The following GATA4 variants were observed in gnomAD, a reference collection of about 807,000 sequenced individuals.
The protein encoded by GATA4 is GATA binding protein 4, also known as transcription factor GATA-4.
A neutral mutation model predicts 37.9 loss-of-function variants in GATA4; 7 were observed. That is an observed-to-expected ratio of 0.18 (90% CI 0.11 to 0.35). GATA4 has a LOEUF of 0.35. Among genes scored for constraint, GATA4 ranks in the 10% least tolerant of loss-of-function variants. The probability of loss-of-function intolerance (pLI) is 1.00; values close to 1 mark genes in which losing one functional copy is unlikely to be tolerated. For synonymous variants in GATA4, 372 were observed against 292.6 expected (o/e 1.27, Z -2.77); for missense variants, 647 against 653.0 (o/e 0.99, Z 0.10).
At position 11,758,461 on chromosome 8, in the gene GATA4, A is replaced by G. The variant is rs772619099; in HGVS notation, c.1318A>G (p.Ile440Val). ...GGTCTTGGCCGACAGTCACGGGGAC[A>G]TAATCACTGCGTAATCTTCCCTCTT... ...SLVLADSHGD[I>V]ITA The change falls in exon 7 of 7, where the codon ATA becomes GTA. Residue 440 changes from isoleucine (I) to valine (V), a missense_variant. Ile to Val is a conservative substitution (Grantham distance 29, BLOSUM62 3). Around this residue, in one of 5 missense-constraint regions of GATA4, gnomAD observed 184 missense variants for 157.1 expected, o/e 1.17. Transcript: ENST00000532059. 6.2e-7 allele frequency: 1 copy of G among 1,614,216 alleles called. No homozygotes were observed. The highest frequency in any genetic ancestry group is 2.2e-5 in the East Asian group (1 of 44,884).
intron 2 of GATA4, among the ~76,000 whole-genome samples, chr8:11,734,553 C>A (rs1801359692): frequency 6.6e-6 from 1 of 152,186 alleles, no homozygotes; most frequent in African/African-American, 2.4e-5. Flanking sequence ...ATGGCGCAAC[C>A]TCGGCTCACT....
chr8:11,741,104 C>G (rs1801715819), intron 2 of GATA4, among the ~76,000 whole-genome samples: 2 of 152,140 alleles, frequency 1.3e-5, no homozygotes, highest in African/African-American at 4.8e-5. Flanking sequence ...TGACCATTTT[C>G]TGGGAGTCTG....
intron 2 of GATA4, among the ~76,000 whole-genome samples, chr8:11,742,746 A>G (rs1801812165): frequency 6.6e-6 from 1 of 152,178 alleles, no homozygotes; most frequent in East Asian, 1.9e-4. Flanking sequence ...TGCCAGGAAA[A>G]CCTCAGGCTT....
intron 1 of GATA4, chr8:11,694,653 G>A (rs1799451277): frequency 2.7e-6 from 1 of 374,130 alleles, no homozygotes; most frequent in Admixed American, 6.4e-5. Flanking sequence ...TGTTCATGGT[G>A]TTGTTTTCTT....
chr8:11,747,296 C>G, intron 2 of GATA4, among the ~76,000 whole-genome samples: 1 of 152,202 alleles, frequency 6.6e-6, no homozygotes, highest in South Asian at 2.1e-4. Context: ...CTGGCCCAGC[C>G]TGTCTCACGA....
chr8:11,703,444 C>T (rs1799755134), upstream of GATA4, among the ~76,000 whole-genome samples: 1 of 152,144 alleles, frequency 6.6e-6, no homozygotes, highest in Admixed American at 6.5e-5. Context: ...AAGAAGCTCC[C>T]CTGGACCGCC....
At chr8:11,693,998 A>C (rs1799428340) in intron 1 of GATA4, among the ~76,000 whole-genome samples, 6 of 152,164 alleles carry the variant, frequency 3.9e-5, no homozygotes, top group Admixed American at 3.9e-4. Context: ...ACACCTCTAC[A>C]TTAAAAGCAA....
upstream of GATA4, among the ~76,000 whole-genome samples, chr8:11,692,281 C>G (rs958694732): frequency 3.3e-5 from 5 of 152,200 alleles, no homozygotes; most frequent in African/African-American, 7.2e-5. Context: ...TCCATCACAC[C>G]TTTTCAAGCA....
intron 4 of GATA4, among the ~76,000 whole-genome samples, chr8:11,753,897 A>G (rs915627612): frequency 6.6e-6 from 1 of 152,218 alleles, no homozygotes; most frequent in Non-Finnish European, 1.5e-5. Flanking sequence ...TCAGCCTAAG[A>G]GAAACCAGAT....
upstream of GATA4, among the ~76,000 whole-genome samples, chr8:11,699,830 G>C (rs1311191005): frequency 6.6e-6 from 1 of 152,212 alleles, no homozygotes; most frequent in Non-Finnish European, 1.5e-5. Flanking sequence ...CAGATTATGA[G>C]ATATAAACTT....
At position 11,749,807 on chromosome 8, in the gene GATA4, C is replaced by A. The variant is rs1176211271; in HGVS notation, c.787-304C>A. On this transcript the variant is annotated intron_variant, in intron 3 of 6. Coordinates refer to ENST00000532059, the MANE Select transcript of GATA4 (RefSeq NM_001308093.3). This position sits in a 1 kb window ranked among gnomAD's most constrained non-coding sequence, Gnocchi z 4.6. Reference sequence around the variant, plus strand: ...TCTCCTCTCAGGAGAAGCTTTCCTGCCGGCAGTGCCCGGCGCTCACTGGTT... The same window carrying A: ...TCTCCTCTCAGGAGAAGCTTTCCTGACGGCAGTGCCCGGCGCTCACTGGTT... Among the ~76,000 whole-genome samples, 1 of 152,256 alleles carries A rather than the reference C, an allele frequency of 6.6e-6. No individual in the cohort carries two copies. The highest frequency in any genetic ancestry group is 2.4e-5 in the African/African-American group (1 of 41,472).
chr8:11,705,359 C>T (rs1799847070), intron 1 of GATA4, among the ~76,000 whole-genome samples: 1 of 152,156 alleles, frequency 6.6e-6, no homozygotes, highest in African/African-American at 2.4e-5. Flanking sequence ...GGCTAGCGTG[C>T]GACCGTCCTC....
chr8:11,678,513 C>A lies in GATA4; in HGVS notation c.-274+1450C>A, dbSNP rs538153521. Among the ~76,000 whole-genome samples, 8 of 152,160 alleles carry A rather than the reference C, an allele frequency of 5.3e-5. No homozygotes were observed. The South Asian group carries it at 1.7e-3, about 32-fold the overall frequency. On this transcript the variant is annotated intron_variant, in intron 1 of 6. Coordinates refer to the GATA4 transcript ENST00000528712. ...ATATTCCTGCTCTTCTGTACGCTGTCCAAAAATAAGGGAAATTGAAAGGGT... is the reference window on the plus strand; with the variant it reads ...ATATTCCTGCTCTTCTGTACGCTGTACAAAAATAAGGGAAATTGAAAGGGT...
In GATA4 at chr8:11,759,498, C is replaced by T. The variant is rs1437411940; in HGVS notation, c.*1023C>T. ...TGGTCAGATGGCAGCCAGAGTCCCT[C>T]AGGACCTGCAGCCTCGCCCCGGCAG... On this transcript the variant is annotated 3_prime_UTR_variant, in exon 7 of 7. Transcript: ENST00000532059. 3 of 152,314 alleles carry T rather than the reference C, an allele frequency of 2.0e-5. No homozygotes were observed. Among genetic ancestry groups the T allele is most frequent in the African/African-American group, 7.2e-5 (3 of 41,478 alleles). The allele number at this position is 152,314 out of a possible 1,614,324, so 9.4% of individuals were successfully genotyped here. A position where few individuals can be genotyped will look rare whatever the true frequency, so the allele number is the denominator to read the frequency against.
Position 11,709,578 on chromosome 8 carries a change from G to GGTGGGGGC in GATA4, c.616+651_616+652insTGGGGGCG, listed in dbSNP as rs1554488901. Among the ~76,000 whole-genome samples, 2 of 115,480 alleles carry GGTGGGGGC rather than the reference G, an allele frequency of 1.7e-5. No individual in the cohort carries two copies. Among genetic ancestry groups the GGTGGGGGC allele is most frequent in the African/African-American group, 1.0e-4 (2 of 19,086 alleles). 75.8% of individuals were successfully genotyped at this position (115,480 alleles called of 152,430 possible). ...CGTGGGCGCATCATGCGGGCAGCGG[G>GGTGGGGGC]GGGGGGGGCGCACACGCCCGGTCAG... On this transcript the variant is annotated intron_variant, in intron 2 of 6. Coordinates refer to ENST00000532059, the MANE Select transcript of GATA4 (RefSeq NM_001308093.3). The surrounding 1 kb of genome is among the most constrained non-coding windows in gnomAD (Gnocchi z 4.3).
chr8:11,753,024 A>C (rs967966754), intron 4 of GATA4, among the ~76,000 whole-genome samples: 2 of 152,224 alleles, frequency 1.3e-5, no homozygotes, highest in African/African-American at 4.8e-5. Flanking sequence ...AAAAAATAGA[A>C]TTACCACATG....
At chr8:11,699,354 C>T (rs1050458657), upstream of GATA4, among the ~76,000 whole-genome samples, 7 of 152,126 alleles carry the variant, frequency 4.6e-5, no homozygotes, top group Non-Finnish European at 8.8e-5. Flanking sequence ...GTAGCAAAGC[C>T]CCATATGTGA....
At chr8:11,706,383 T>A (rs553403575) in intron 1 of GATA4, among the ~76,000 whole-genome samples, 1 of 152,350 alleles carries the variant, frequency 6.6e-6, no homozygotes, top group South Asian at 2.1e-4. Flanking sequence ...TAGAAATCTG[T>A]AGTAATAGTC....
upstream of GATA4, chr8:11,700,826 GAC>G (rs1453076038): frequency 1.3e-5 from 2 of 152,216 alleles, no homozygotes; most frequent in African/African-American, 4.8e-5. Context: ...AGACTCTGGC[GAC>G]CTTGGTGGCG....
Sources: gnomAD v4.1 joint callset for allele counts (sites outside exome capture counted in the v4.1 genomes callset) on GRCh38, gnomAD v4.1.1 for gene constraint, gnomAD v4.1.1 regional missense constraint, Gnocchi (gnomAD v3.1) non-coding constraint, MANE v1.5 for transcripts, NCBI Gene and HGNC (gene_info 2026-07-23, HGNC 2026-07-21) for gene names.